Variants in RALGPS1 observed in about 807,000 individuals in gnomAD.
RALGPS1 encodes the protein ras-specific guanine nucleotide-releasing factor RalGPS1.
RALGPS1 carries 19 observed loss-of-function variants against 78.8 expected under a neutral mutation model. The observed-to-expected ratio is 0.24, with a 90% confidence interval of 0.17 to 0.35. RALGPS1 has a LOEUF of 0.35. RALGPS1 is among the 10% of genes least tolerant of loss of function. The pLI is 1.00. For synonymous variants in RALGPS1, 228 were observed against 256.3 expected (o/e 0.89, Z 1.06); for missense variants, 454 against 688.3 (o/e 0.66, Z 3.81).
chr9:127,080,462 C>T (rs549656599), intron 8 of RALGPS1, among the ~76,000 whole-genome samples: 2 of 152,322 alleles, frequency 1.3e-5, no homozygotes, highest in Non-Finnish European at 2.9e-5. Flanking sequence ...TCCAGACATT[C>T]TTATCCACAA....
chr9:126,984,067 T>A (rs1029102092), intron 4 of RALGPS1, among the ~76,000 whole-genome samples: 3 of 152,224 alleles, frequency 2.0e-5, no homozygotes, highest in Middle Eastern at 3.2e-3. Flanking sequence ...GAATTGAGTA[T>A]TTTATTGGTC....
At chr9:127,197,399 G>A (rs990325123) in intron 13 of RALGPS1, among the ~76,000 whole-genome samples, 2 of 151,688 alleles carry the variant, frequency 1.3e-5, no homozygotes, top group East Asian at 1.9e-4. Flanking sequence ...TGTGTCTGTC[G>A]GCTTCCCTTA....
intron 3 of RALGPS1, among the ~76,000 whole-genome samples, chr9:126,967,665 G>A (rs965861771): frequency 1.3e-5 from 2 of 151,884 alleles, no homozygotes; most frequent in African/African-American, 4.8e-5. Flanking sequence ...GCCTCCCAAA[G>A]TGCTGGTGCT....
chr9:127,112,791 TG>T (rs1383444885), intron 8 of RALGPS1, among the ~76,000 whole-genome samples: 1 of 152,274 alleles, frequency 6.6e-6, no homozygotes, highest in Non-Finnish European at 1.5e-5. Flanking sequence ...GTGAGGATGC[TG>T]GGTGTGGGCC....
At chr9:127,198,252 G>C (rs1170129791) in intron 13 of RALGPS1, among the ~76,000 whole-genome samples, 1 of 152,206 alleles carries the variant, frequency 6.6e-6, no homozygotes. Context: ...TACTCAGACA[G>C]ATGCCAAGGG....
intron 5 of RALGPS1, among the ~76,000 whole-genome samples, chr9:127,039,684 A>G (rs1453546361): frequency 6.6e-6 from 1 of 152,152 alleles, no homozygotes; most frequent in African/African-American, 2.4e-5. Flanking sequence ...TCTTCAGTGT[A>G]AGAGATGAGT....
At chr9:126,994,810 C>T (rs929027524) in intron 4 of RALGPS1, among the ~76,000 whole-genome samples, 3 of 152,174 alleles carry the variant, frequency 2.0e-5, no homozygotes, top group South Asian at 4.2e-4. Flanking sequence ...AAGGGAAGCC[C>T]ATCAGACTAA....
At chr9:126,965,983 G>T (rs1394198137) in intron 3 of RALGPS1, 32 bp downstream of exon 3, 1 of 1,540,526 alleles carries the variant, frequency 6.5e-7, no homozygotes, top group Non-Finnish European at 9.0e-7. Flanking sequence ...TGGGTGGCTG[G>T]GCACCACAGC....
chr9:127,214,992 A>T, intron 18 of RALGPS1, 150 bp downstream of exon 18: 1 of 1,346,500 alleles, frequency 7.4e-7, no homozygotes, highest in Non-Finnish European at 9.9e-7. Flanking sequence ...TTCCCTTGAG[A>T]CAAGGCACCC....
At chr9:127,194,959 C>A in intron 11 of RALGPS1, 132 bp from the exon 12 acceptor site, 2 of 1,056,770 alleles carry the variant, frequency 1.9e-6, no homozygotes, top group Non-Finnish European at 2.8e-6. Flanking sequence ...ATGAACCTTG[C>A]CCCACCTGTG....
rs776079697 is a variant in RALGPS1 at position 127,214,717 on chromosome 9, C to T, written c.1553-34C>T. 20 of 1,581,286 alleles carry T rather than the reference C, an allele frequency of 1.3e-5. No homozygotes were observed. In the South Asian group the frequency reaches 2.2e-4, roughly 18 times the overall value. ...TCACCAGCTGACCCTCCTACGTGGC[C>T]CTCTTCTTAACTCATGGTTTCTCTA... On this transcript the variant is annotated intron_variant, in intron 17 of 18. Coordinates refer to ENST00000259351, the MANE Select transcript of RALGPS1 (RefSeq NM_014636.3).
At chr9:127,114,105 C>A (rs1053098589) in intron 8 of RALGPS1, among the ~76,000 whole-genome samples, 1 of 152,224 alleles carries the variant, frequency 6.6e-6, no homozygotes, top group Non-Finnish European at 1.5e-5. Flanking sequence ...CTCACTTAAT[C>A]TTCCCAACAG....
chr9:127,137,508 C>T (rs1338700155), intron 8 of RALGPS1, among the ~76,000 whole-genome samples: 2 of 152,242 alleles, frequency 1.3e-5, no homozygotes, highest in Admixed American at 1.3e-4. Flanking sequence ...AGGCCGCCAG[C>T]TCTACCCCCA....
At chr9:127,215,861 A>G (rs2062549098) in intron 18 of RALGPS1, among the ~76,000 whole-genome samples, 2 of 152,152 alleles carry the variant, frequency 1.3e-5, no homozygotes, top group South Asian at 4.1e-4. Context: ...CCAGAGGAGG[A>G]GCGGGGGAAG....
In RALGPS1 at chr9:127,050,149, TA is replaced by T. The variant is rs761338502; in HGVS notation, c.390+18del. The T allele has an allele frequency of 2.5e-6, 4 of 1,575,154 alleles. No homozygotes were observed. The African/African-American group carries it at 5.4e-5, about 21-fold the overall frequency. ...ATAGCCAAGGTAAGCTTTTTATTAT[TA>T]TTTTTCCTTCCTTTCCCTCTTCTCT... On this transcript the variant is annotated intron_variant, in intron 6 of 18. Transcript: ENST00000259351.
chr9:126,958,653 T>A (rs2038594979), intron 1 of RALGPS1, among the ~76,000 whole-genome samples: 1 of 152,226 alleles, frequency 6.6e-6, no homozygotes, highest in South Asian at 2.1e-4. Context: ...CTGAATTCTC[T>A]GTCCGTTTAC....
intron 11 of RALGPS1, among the ~76,000 whole-genome samples, chr9:127,185,432 C>T (rs945536503): frequency 6.6e-6 from 1 of 152,236 alleles, no homozygotes; most frequent in Non-Finnish European, 1.5e-5. Flanking sequence ...GTGCACCGTG[C>T]TCAGGGCTGT....
intron 8 of RALGPS1, among the ~76,000 whole-genome samples, chr9:127,132,472 CGAT>C (rs2057074320): frequency 6.6e-6 from 1 of 152,206 alleles, no homozygotes; most frequent in Admixed American, 6.5e-5. Context: ...TTCATTGACA[CGAT>C]GGTGTGATCA....
chr9:127,024,979 A>G (rs1165167287), intron 4 of RALGPS1, among the ~76,000 whole-genome samples: 1 of 152,080 alleles, frequency 6.6e-6, no homozygotes, highest in Non-Finnish European at 1.5e-5. Flanking sequence ...CAGTTTGGTG[A>G]TTGTGAAGAA....
Sources: gnomAD v4.1 joint callset for allele counts (sites outside exome capture counted in the v4.1 genomes callset) on GRCh38, gnomAD v4.1.1 for gene constraint, MANE v1.5 for transcripts, NCBI Gene and HGNC (gene_info 2026-07-23, HGNC 2026-07-21) for gene names.